Variants in POLI observed in about 807,000 individuals in gnomAD.
POLI encodes the protein DNA polymerase iota.
POLI carries 58 observed loss-of-function variants against 51.6 expected under a neutral mutation model. That is an observed-to-expected ratio of 1.12 (90% CI 0.91 to 1.40). The LOEUF is 1.40. Among genes scored for constraint, POLI ranks in the 40% most tolerant of loss-of-function variants. The pLI, the probability that POLI is intolerant of heterozygous loss-of-function variation, is 0.00. For synonymous variants in POLI, 322 were observed against 299.7 expected, an observed-to-expected ratio of 1.07 and a Z score of -0.77; for missense variants, 921 against 871.3, an observed-to-expected ratio of 1.06 and a Z score of -0.72.
At chr18:54,319,103 C>T (rs937588684) in intron 3 of POLI, among the ~76,000 whole-genome samples, 32 of 152,142 alleles carry the variant, frequency 2.1e-4, no homozygotes, top group Non-Finnish European at 2.9e-5. Context: ...ACCAGAAAGA[C>T]AAATGCTATA....
chr18:54,272,973 G>A (rs1380257), intron 2 of POLI, among the ~76,000 whole-genome samples: 53,016 of 151,812 alleles, frequency 0.35, 10,791 homozygotes, highest in East Asian at 0.68. Flanking sequence ...TGTTGTTTAT[G>A]ATATCAAAAT....
chr18:54,319,282 C>T (rs148084519), intron 3 of POLI, among the ~76,000 whole-genome samples: 3 of 152,158 alleles, frequency 2.0e-5, no homozygotes, highest in Non-Finnish European at 2.9e-5. Flanking sequence ...TTGCAGCCAA[C>T]GTTTTCTTAA....
In POLI at chr18:54,287,293, TG is replaced by T. The variant is rs1224915088; in HGVS notation, c.1082del (p.Gly361GlufsTer7). The T allele has an allele frequency of 1.3e-6, 2 of 1,574,332 alleles. No homozygotes were observed. The highest frequency in any genetic ancestry group is 2.3e-5 in the South Asian group (2 of 86,762). ...TCTTTATTTTTAGAGTATGCCAAGA[TG>T]GAAGGAAGCCTCATACAGTGAGATT... ...ASLLNRVCQD[G>X]RKPHTVRLII... On this transcript the variant is annotated frameshift_variant, in exon 8 of 10. Coordinates refer to ENST00000579534, the MANE Select transcript of POLI (RefSeq NM_007195.3). LOFTEE classifies it high-confidence loss of function.
At chr18:54,312,250 A>C in intron 3 of POLI, among the ~76,000 whole-genome samples, 1 of 152,142 alleles carries the variant, frequency 6.6e-6, no homozygotes, top group East Asian at 1.9e-4. Context: ...AATGGTTTCC[A>C]GTGGCATCCA....
downstream of POLI, among the ~76,000 whole-genome samples, chr18:54,301,481 A>G (rs1391590067): frequency 6.6e-6 from 1 of 152,178 alleles, no homozygotes. Flanking sequence ...AAAATTTTCA[A>G]CTTCATAATG....
At chr18:54,311,777 G>A (rs1170248956) in intron 3 of POLI, among the ~76,000 whole-genome samples, 4 of 152,114 alleles carry the variant, frequency 2.6e-5, no homozygotes, top group East Asian at 1.9e-4. Flanking sequence ...TTGGGTGGCC[G>A]AATAATCAAA....
At chr18:54,310,070 C>T (rs558263399) in intron 3 of POLI, among the ~76,000 whole-genome samples, 12 of 152,306 alleles carry the variant, frequency 7.9e-5, no homozygotes, top group East Asian at 3.9e-4. Context: ...CACCCTGTTT[C>T]GGCTTGGCAT....
chr18:54,269,808 G>T, intron 1 of POLI, 147 bp downstream of exon 1: 1 of 1,368,652 alleles, frequency 7.3e-7, no homozygotes, highest in African/African-American at 1.5e-5. Context: ...CCTCTGCCTT[G>T]TGTTACGCGG....
At chr18:54,292,384 T>C (rs2088062071) in intron 9 of POLI, among the ~76,000 whole-genome samples, 1 of 152,164 alleles carries the variant, frequency 6.6e-6, no homozygotes, top group Non-Finnish European at 1.5e-5. Flanking sequence ...TTTTTGTCTT[T>C]TAGCTGACAC....
At chr18:54,315,790 T>C (rs1399128771) in intron 3 of POLI, among the ~76,000 whole-genome samples, 1 of 152,188 alleles carries the variant, frequency 6.6e-6, no homozygotes, top group African/African-American at 2.4e-5. Context: ...TCTTTTTTGT[T>C]TTCCATTTGC....
Position 54,294,502 on chromosome 18 carries a change from A to C in POLI, c.*35A>C, listed in dbSNP as rs1375583952. On this transcript the variant is annotated 3_prime_UTR_variant, in exon 10 of 10. Transcript: ENST00000579534. ...GCAAAAAGGTCTGAAAAGCAAGGGA[A>C]TACCATTATTTTCGGATTAGCGGTT... 1 of 1,537,900 alleles carries C rather than the reference A, an allele frequency of 6.5e-7. No individual in the cohort carries two copies. Among genetic ancestry groups the C allele is most frequent in the South Asian group, 1.3e-5 (1 of 76,494 alleles).
Position 54,282,880 on chromosome 18 carries a change from C to T in POLI, c.840C>T (p.Ile280=). 7 of 1,577,992 alleles carry T rather than the reference C, an allele frequency of 4.4e-6. No individual in the cohort carries two copies. The highest frequency in any genetic ancestry group is 6.0e-6 in the Non-Finnish European group (7 of 1,159,962). ...CCAAATGTCTTGAAGCACTGGGTAT[C>T]AATAGTGTGCGTGATCTCCAAACCT... The part of the protein sequence containing the change: ...KTAKCLEALG[I]NSVRDLQTFS... Residue 280 remains isoleucine (I), a synonymous_variant, in exon 6 of 10, where the codon ATC becomes ATT. Coordinates refer to ENST00000579534, the MANE Select transcript of POLI (RefSeq NM_007195.3).
intron 3 of POLI, among the ~76,000 whole-genome samples, chr18:54,313,035 A>G (rs1034252595): frequency 7.2e-5 from 11 of 152,138 alleles, no homozygotes; most frequent in Non-Finnish European, 1.3e-4. Context: ...CAATGCCAAT[A>G]TCGAGATGGG....
intron 3 of POLI, among the ~76,000 whole-genome samples, chr18:54,306,255 A>G (rs920847241): frequency 2.6e-5 from 4 of 152,188 alleles, no homozygotes; most frequent in Non-Finnish European, 5.9e-5. Flanking sequence ...TGCCATCAAT[A>G]TCTAGTTTAT....
intron 1 of POLI, chr18:54,270,027 C>T (rs1450763081): frequency 5.2e-5 from 53 of 1,013,070 alleles, no homozygotes; most frequent in Non-Finnish European, 6.2e-5. Context: ...GCTCATTTGG[C>T]AGAAGGTGGG....
intron 1 of POLI, chr18:54,270,121 A>C: frequency 1.3e-6 from 1 of 761,236 alleles, no homozygotes. Context: ...CCGGTGACCC[A>C]CTTCCAGCTC....
At position 54,294,268 on chromosome 18, in the gene POLI, A is replaced by G. The variant is rs1430833514; in HGVS notation, c.2024A>G (p.Asp675Gly). ...EQLFSRNHTTDSHKQTVATDS... is the reference protein window; with the variant it reads ...EQLFSRNHTTGSHKQTVATDS... ...CTTTTCTCCAGAAACCACACTACAG[A>G]TAGCCATAAGCAAACAGTAGCAACA... Residue 675 changes from aspartate to glycine, a missense_variant, in exon 10 of 10, where the codon GAT becomes GGT. Asp to Gly is a moderately conservative substitution (Grantham distance 94). Transcript: ENST00000579534. 3 of 1,613,744 alleles carry G rather than the reference A, an allele frequency of 1.9e-6. No individual in the cohort carries two copies. Among genetic ancestry groups the G allele is most frequent in the Admixed American group, 3.3e-5 (2 of 59,984 alleles).
intron 1 of POLI, 55 bp from the exon 2 acceptor site, chr18:54,271,305 G>A (rs2086992414): frequency 2.6e-6 from 4 of 1,516,740 alleles, no homozygotes; most frequent in Non-Finnish European, 3.6e-6. Context: ...ACTGTCAGTT[G>A]CTCAGAGATA....
At chr18:54,281,576 A>C (rs1048626072) in intron 5 of POLI, among the ~76,000 whole-genome samples, 17 of 152,260 alleles carry the variant, frequency 1.1e-4, no homozygotes, top group African/African-American at 3.1e-4. Flanking sequence ...CGTGATTCCA[A>C]AATGTATTAT....
Sources: allele counts gnomAD v4.1 joint callset (sites outside exome capture counted in the v4.1 genomes callset), GRCh38; gene constraint gnomAD v4.1.1; transcripts MANE v1.5; gene names NCBI Gene and HGNC (gene_info 2026-07-23, HGNC 2026-07-21).